The following RAD51B variants were observed in gnomAD, a reference collection of about 807,000 sequenced individuals.
RAD51B encodes DNA repair protein RAD51 homolog 2.
Under a neutral mutation model 42.2 loss-of-function variants are expected in RAD51B, and 38 were observed. That is an observed-to-expected ratio of 0.90 (90% CI 0.70 to 1.18). The LOEUF (loss-of-function observed/expected upper bound fraction) is 1.18, where lower values mean the gene tolerates loss of function less well. RAD51B is among the 50% of genes most tolerant of loss of function. The pLI, the probability that RAD51B is intolerant of heterozygous loss-of-function variation, is 0.00. For missense variants in RAD51B, 373 were observed against 400.7 expected (o/e 0.93, Z 0.59); for synonymous variants, 154 against 145.2 (o/e 1.06, Z -0.43).
At chr14:68,298,619 G>C (rs2081658714) in intron 8 of RAD51B, among the ~76,000 whole-genome samples, 1 of 152,204 alleles carries the variant, frequency 6.6e-6, no homozygotes, top group Non-Finnish European at 1.5e-5. Context: ...AGGTCTCAAT[G>C]TCAAGAAAGC....
intron 7 of RAD51B, among the ~76,000 whole-genome samples, chr14:68,119,302 TA>T (rs1186128934): frequency 3.3e-5 from 5 of 150,706 alleles, no homozygotes; most frequent in African/African-American, 1.2e-4. Context: ...ATCATTTATT[TA>T]TTTTTTATTT....
chr14:68,655,516 G>T (rs1487868120), intron 11 of RAD51B, among the ~76,000 whole-genome samples: 1 of 152,204 alleles, frequency 6.6e-6, no homozygotes, highest in South Asian at 2.1e-4. Flanking sequence ...TTGCAAACCT[G>T]CTCAGGTCGG....
At chr14:68,112,292 A>G (rs1347438520) in intron 7 of RAD51B, among the ~76,000 whole-genome samples, 1 of 151,932 alleles carries the variant, frequency 6.6e-6, no homozygotes, top group Non-Finnish European at 1.5e-5. Flanking sequence ...TCCATAATGC[A>G]TTGAGGCTCA....
chr14:68,470,505 G>T (rs1253300350), intron 10 of RAD51B: 2 of 487,966 alleles, frequency 4.1e-6, no homozygotes, highest in Non-Finnish European at 8.1e-6. Flanking sequence ...GAAAATCTCT[G>T]GGCCTTGCTT....
downstream of RAD51B, among the ~76,000 whole-genome samples, chr14:68,599,798 A>T (rs910666476): frequency 4.6e-5 from 7 of 152,228 alleles, no homozygotes; most frequent in Admixed American, 3.3e-4. Flanking sequence ...GAAGGAAAAG[A>T]CAGAAATTCT....
intron 7 of RAD51B, among the ~76,000 whole-genome samples, chr14:68,277,980 T>C (rs2081255981): frequency 6.6e-6 from 1 of 152,224 alleles, no homozygotes; most frequent in Admixed American, 6.5e-5. Context: ...TGGACTAAAA[T>C]GATCTGCCCG....
chr14:68,111,736 A>C (rs143000238), intron 7 of RAD51B, among the ~76,000 whole-genome samples: 96 of 152,186 alleles, frequency 6.3e-4, no homozygotes, highest in African/African-American at 2.3e-3. Context: ...GCAGGTTGCC[A>C]GAAGTGCCAC....
In RAD51B at chr14:68,465,951, A is replaced by AAAAAATAAAAAT. The variant is rs368641918; in HGVS notation, c.958-2218_958-2217insAATAAAAATAAA. Among the ~76,000 whole-genome samples the AAAAAATAAAAAT allele has an allele frequency of 3.9e-3, 353 of 90,478 alleles. 2 individuals are homozygous for AAAAAATAAAAAT. Among genetic ancestry groups the AAAAAATAAAAAT allele is most frequent in the African/African-American group, 0.011 (335 of 30,354 alleles). 59.4% of individuals were successfully genotyped at this position (90,478 alleles called of 152,430 possible). A position where few individuals can be genotyped will look rare whatever the true frequency, so the allele number is the denominator to read the frequency against. ...GCTAGACTCTGTCTCAAAAAAAAAA[A>AAAAAATAAAAAT]AAATAAATAAATAAATAAATAAATA... On this transcript the variant is annotated intron_variant, in intron 9 of 10. Coordinates refer to ENST00000471583, the MANE Select transcript of RAD51B (RefSeq NM_133510.4).
intron 5 of RAD51B, among the ~76,000 whole-genome samples, chr14:67,881,554 C>G (rs1234431087): frequency 6.6e-6 from 1 of 152,184 alleles, no homozygotes; most frequent in African/African-American, 2.4e-5. Context: ...CTTTCCCAAA[C>G]TCCGATCCCC....
At chr14:68,290,358 G>T (rs76050466) in intron 7 of RAD51B, among the ~76,000 whole-genome samples, 1 of 152,136 alleles carries the variant, frequency 6.6e-6, no homozygotes, top group Non-Finnish European at 1.5e-5. Context: ...GAAAATGATT[G>T]TGGTATTCAT....
chr14:68,149,224 A>AT (rs928590215), intron 7 of RAD51B, among the ~76,000 whole-genome samples: 1 of 151,364 alleles, frequency 6.6e-6, no homozygotes, highest in Non-Finnish European at 1.5e-5. Flanking sequence ...CCTAACATCA[A>AT]TTTTTTTTTC....
chr14:68,187,638 A>G (rs1377401026), intron 7 of RAD51B, among the ~76,000 whole-genome samples: 1 of 152,312 alleles, frequency 6.6e-6, no homozygotes, highest in South Asian at 2.1e-4. Context: ...AAAGTTCCCC[A>G]TAATCTTAGA....
At chr14:68,357,460 C>T (rs961204226) in intron 8 of RAD51B, among the ~76,000 whole-genome samples, 2 of 151,914 alleles carry the variant, frequency 1.3e-5, no homozygotes, top group Non-Finnish European at 2.9e-5. Context: ...TTGACCTCCT[C>T]CTATGAATCA....
intron 8 of RAD51B, among the ~76,000 whole-genome samples, chr14:68,328,644 C>T (rs1357645065): frequency 6.6e-6 from 1 of 152,010 alleles, no homozygotes; most frequent in Non-Finnish European, 1.5e-5. Context: ...CATCCTCCAA[C>T]TCTAGAGGTT....
chr14:68,394,307 C>T (rs1025249614), intron 8 of RAD51B, among the ~76,000 whole-genome samples: 11 of 152,332 alleles, frequency 7.2e-5, no homozygotes, highest in Non-Finnish European at 4.4e-5. Flanking sequence ...AGGACGGGCT[C>T]GCCAGCTGGC....
Position 67,865,111 on chromosome 14 carries a change from GAC to G in RAD51B, c.428_429del (p.Thr143ArgfsTer5), listed in dbSNP as rs765528790. 7 of 1,601,384 alleles carry G rather than the reference GAC, an allele frequency of 4.4e-6. No individual in the cohort carries two copies. Among genetic ancestry groups the G allele is most frequent in the Admixed American group, 3.4e-5 (2 of 58,340 alleles). On this transcript the variant is annotated frameshift_variant, in exon 5 of 11. Coordinates refer to ENST00000471583, the MANE Select transcript of RAD51B (RefSeq NM_133510.4). LOFTEE classifies it high-confidence loss of function. ...ATTAGAAGGAGCTGTGGTGTACATT[GAC>G]ACAGAGTCTGCATTTAGTGCTGAAA... is the stretch of plus-strand genomic sequence containing the variant. ...GGLEGAVVYI[D>X]TESAFSAERL... is the part of the protein sequence containing the mutation.
At chr14:68,512,272 T>C (rs1486006649) in intron 10 of RAD51B, among the ~76,000 whole-genome samples, 1 of 152,174 alleles carries the variant, frequency 6.6e-6, no homozygotes, top group Non-Finnish European at 1.5e-5. Flanking sequence ...GGATCCAAAT[T>C]TGAGTGAGGG....
intron 10 of RAD51B, among the ~76,000 whole-genome samples, chr14:68,532,177 G>A (rs982031468): frequency 6.6e-6 from 1 of 152,074 alleles, no homozygotes; most frequent in African/African-American, 2.4e-5. Flanking sequence ...TAAAAGATGT[G>A]TTTAAATCTA....
intron 10 of RAD51B, among the ~76,000 whole-genome samples, chr14:68,524,550 C>T (rs1166464937): frequency 6.6e-6 from 1 of 152,088 alleles, no homozygotes; most frequent in African/African-American, 2.4e-5. Flanking sequence ...TGAAGTTGTG[C>T]CTAACAGATC....
Sources: gnomAD v4.1 joint callset for allele counts (sites outside exome capture counted in the v4.1 genomes callset) on GRCh38, gnomAD v4.1.1 for gene constraint, MANE v1.5 for transcripts, NCBI Gene and HGNC (gene_info 2026-07-23, HGNC 2026-07-21) for gene names.